ZCCHC14: variants seen among roughly 807,000 people sequenced by gnomAD.
ZCCHC14 encodes zinc finger CCHC-type containing 14.
Under a neutral mutation model 85.0 loss-of-function variants are expected in ZCCHC14, and 16 were observed. The ratio of observed to expected loss-of-function variants is 0.19; its 90% CI spans 0.13 to 0.29. The LOEUF (loss-of-function observed/expected upper bound fraction) is 0.29, where lower values mean the gene tolerates loss of function less well. Among genes scored for constraint, ZCCHC14 ranks in the 10% least tolerant of loss-of-function variants. ZCCHC14 has a pLI of 1.00. For missense variants in ZCCHC14, 1,303 were observed against 1,443.5 expected (o/e 0.90, Z 1.58); for synonymous variants, 775 against 630.7 (o/e 1.23, Z -3.43).
intron 4 of ZCCHC14, among the ~76,000 whole-genome samples, chr16:87,421,384 C>G (rs1374208419): frequency 1.3e-5 from 2 of 152,162 alleles, no homozygotes; most frequent in East Asian, 3.9e-4. Context: ...TCCTCTGCCA[C>G]CAGTCACAAG....
chr16:87,483,617 T>C (rs1597455716), intron 1 of ZCCHC14, among the ~76,000 whole-genome samples: 1 of 152,208 alleles, frequency 6.6e-6, no homozygotes, highest in African/African-American at 2.4e-5. Context: ...TATCAACTCC[T>C]AAGATAAAAC....
At chr16:87,445,700 G>A (rs1294782252) in intron 2 of ZCCHC14, among the ~76,000 whole-genome samples, 2 of 152,090 alleles carry the variant, frequency 1.3e-5, no homozygotes, top group Admixed American at 6.5e-5. Flanking sequence ...ATGACGCGCC[G>A]ACCTGAGAAA....
rs1163533597 is a variant in ZCCHC14, at chr16:87,423,367, G to A, written c.840+443C>T. Among the ~76,000 whole-genome samples, 7 of 152,226 alleles carry A rather than the reference G, an allele frequency of 4.6e-5. No homozygotes were observed. In the South Asian group the frequency reaches 8.3e-4, roughly 18 times the overall value. ...CCACCACAACCCAGCCTGGGCGAGA[G>A]CAAGATCCAGTCTCTTAAAAAAATA... On this transcript the variant is annotated intron_variant, in intron 4 of 12. Transcript: ENST00000671377.
Position 87,476,952 on chromosome 16 carries a change from T to C in ZCCHC14, c.570+14717A>G, listed in dbSNP as rs1390760995. Among the ~76,000 whole-genome samples the C allele has an allele frequency of 5.3e-5, 8 of 151,286 alleles. No individual in the cohort carries two copies. The East Asian group carries it at 1.4e-3, about 26-fold the overall frequency. On this transcript the variant is annotated intron_variant, in intron 1 of 12. Transcript: ENST00000671377. ...CCAGCCTGACCAACATGGTGAAACC[T>C]TGTCTCTAATAAAAATACAAAAATT...
rs540724679 is a variant in ZCCHC14, at chr16:87,483,030, T to A, written c.570+8639A>T. ...CAGAAGCCATACCAAAAAGGACTGA[T>A]AAATATAGCATTTAAAAAAAAAGAA... is the stretch of plus-strand genomic sequence containing the variant. On this transcript the variant is annotated intron_variant, in intron 1 of 12. Transcript: ENST00000671377. 4.4e-3 allele frequency among the ~76,000 whole-genome samples: 665 copies of A among 151,894 alleles called. 2 individuals carry two copies. The highest frequency in any genetic ancestry group is 0.015 in the African/African-American group (610 of 41,426).
chr16:87,442,407 TCAACAGATCC>T (rs1440552800), intron 2 of ZCCHC14, among the ~76,000 whole-genome samples: 1 of 151,842 alleles, frequency 6.6e-6, no homozygotes, highest in Non-Finnish European at 1.5e-5. Context: ...TTCAAGAAAA[TCAACAGATCC>T]CAACACTGAG....
intron 2 of ZCCHC14, among the ~76,000 whole-genome samples, chr16:87,453,152 T>C (rs1910786570): frequency 6.6e-6 from 1 of 152,030 alleles, no homozygotes; most frequent in African/African-American, 2.4e-5. Flanking sequence ...AGGAAGGGGG[T>C]GCTCCTGGGG....
intron 9 of ZCCHC14, 54 bp from the exon 10 acceptor site, chr16:87,414,595 C>T: frequency 6.4e-7 from 1 of 1,561,016 alleles, no homozygotes; most frequent in South Asian, 1.2e-5. Context: ...GGTGCTGCCT[C>T]ACATGCGGCT....
At chr16:87,452,647 T>C (rs1172521691) in intron 2 of ZCCHC14, among the ~76,000 whole-genome samples, 1 of 151,960 alleles carries the variant, frequency 6.6e-6, no homozygotes, top group Non-Finnish European at 1.5e-5. Context: ...TGCACAGGGA[T>C]GACATTTCAC....
In ZCCHC14 at chr16:87,412,065, C is replaced by T. The variant is rs752583578; in HGVS notation, c.2656G>A (p.Gly886Ser). 1.6e-5 allele frequency: 25 copies of T among 1,611,224 alleles called. No individual in the cohort carries two copies. The highest frequency in any genetic ancestry group is 4.5e-5 in the East Asian group (2 of 44,888). ...PESSFYSSSG[G>S]GGSTGNIPAS... ...GGAATGTTTCCTGTGGAGCCGCCAC[C>T]GCCACTGCTGCTATAGAAACTGCTT... Residue 886 changes from glycine (G) to serine (S), a missense_variant, in exon 12 of 13, where the codon GGT (glycine) becomes AGT (serine). Physicochemically the swap from Gly to Ser is moderately conservative, Grantham distance 56. Transcript: ENST00000671377.
intron 1 of ZCCHC14, among the ~76,000 whole-genome samples, chr16:87,464,964 T>A (rs1911452123): frequency 6.6e-6 from 1 of 152,194 alleles, no homozygotes; most frequent in Admixed American, 6.5e-5. Flanking sequence ...AAGGCAACGA[T>A]AAGCTGCTCT....
chr16:87,429,570 C>G (rs939387095), intron 3 of ZCCHC14, among the ~76,000 whole-genome samples: 4 of 152,122 alleles, frequency 2.6e-5, no homozygotes, highest in African/African-American at 9.7e-5. Flanking sequence ...TCCCTTGAGG[C>G]AAGAGTTCAA....
chr16:87,484,394 T>A (rs990798409), intron 1 of ZCCHC14, among the ~76,000 whole-genome samples: 1 of 152,074 alleles, frequency 6.6e-6, no homozygotes, highest in African/African-American at 2.4e-5. Context: ...TCCGAAAAAA[T>A]TGTTTTTGTC....
At chr16:87,487,774 C>T (rs2150780278) in intron 1 of ZCCHC14, among the ~76,000 whole-genome samples, 1 of 152,394 alleles carries the variant, frequency 6.6e-6, no homozygotes, top group African/African-American at 2.4e-5. Flanking sequence ...ACAGCTCGGC[C>T]TCTTCACACA....
At chr16:87,465,473 C>G (rs1911475712) in intron 1 of ZCCHC14, among the ~76,000 whole-genome samples, 1 of 152,208 alleles carries the variant, frequency 6.6e-6, no homozygotes, top group Admixed American at 6.5e-5. Context: ...AAGCAAGCTA[C>G]TGGTAGTCAC....
intron 4 of ZCCHC14, among the ~76,000 whole-genome samples, chr16:87,422,630 G>A (rs1262398961): frequency 6.6e-6 from 1 of 152,020 alleles, no homozygotes; most frequent in Non-Finnish European, 1.5e-5. Context: ...CAGCAACTTG[G>A]GAGACTAAGG....
chr16:87,413,941 T>C (rs1908625816), intron 10 of ZCCHC14, among the ~76,000 whole-genome samples: 1 of 152,278 alleles, frequency 6.6e-6, no homozygotes, highest in Non-Finnish European at 1.5e-5. Context: ...GACTGCCCTC[T>C]AGCTCCTAAG....
intron 2 of ZCCHC14, among the ~76,000 whole-genome samples, chr16:87,438,444 G>C (rs1017882781): frequency 6.6e-6 from 1 of 152,234 alleles, no homozygotes. Flanking sequence ...TTTAGATACA[G>C]AGAAAGTCTT....
chr16:87,413,660 C>A (rs1241128733), intron 10 of ZCCHC14, among the ~76,000 whole-genome samples: 1 of 152,068 alleles, frequency 6.6e-6, no homozygotes, highest in Non-Finnish European at 1.5e-5. Flanking sequence ...GGAGCAAGCG[C>A]GCCAGGTGTC....
Sources: gnomAD v4.1 joint callset for allele counts (sites outside exome capture counted in the v4.1 genomes callset) on GRCh38, gnomAD v4.1.1 for gene constraint, MANE v1.5 for transcripts, NCBI Gene and HGNC (gene_info 2026-07-23, HGNC 2026-07-21) for gene names.